The following PDE3B variants were observed in gnomAD, a reference collection of about 807,000 sequenced individuals.
The protein encoded by PDE3B is cGMP-inhibited 3',5'-cyclic phosphodiesterase 3B.
In PDE3B, 66 loss-of-function variants were observed where a neutral mutation model predicts 116.8. The ratio of observed to expected loss-of-function variants is 0.56; its 90% CI spans 0.46 to 0.69. PDE3B has a LOEUF of 0.69. Ranked by LOEUF, PDE3B falls within the 30% of genes least tolerant of loss-of-function variation. The pLI, the probability that PDE3B is intolerant of heterozygous loss-of-function variation, is 0.00. For missense variants in PDE3B, 1,384 were observed against 1,368.1 expected, an observed-to-expected ratio of 1.01 and a Z score of -0.18; for synonymous variants, 595 against 533.6, an observed-to-expected ratio of 1.12 and a Z score of -1.59.
chr11:14,737,296 C>G (rs1856629384), intron 1 of PDE3B, among the ~76,000 whole-genome samples: 1 of 151,748 alleles, frequency 6.6e-6, no homozygotes. Flanking sequence ...CGGGTTCACG[C>G]TGTTCTCCTG....
intron 1 of PDE3B, among the ~76,000 whole-genome samples, chr11:14,668,046 G>C (rs138184810): frequency 1.9e-3 from 294 of 151,690 alleles, no homozygotes; most frequent in African/African-American, 6.8e-3. Flanking sequence ...AAAAAAAAAG[G>C]TTTGAAGCAT....
rs188901585 is a variant in PDE3B, at chr11:14,664,876, C to G, written c.978+19823C>G. Among the ~76,000 whole-genome samples, 223 of 152,196 alleles carry G rather than the reference C, an allele frequency of 1.5e-3. 1 individual carries two copies. The highest frequency in any genetic ancestry group is 1.3e-3 in the Non-Finnish European group (89 of 68,010). On this transcript the variant is annotated intron_variant, in intron 1 of 15. Coordinates refer to ENST00000282096, the MANE Select transcript of PDE3B (RefSeq NM_000922.4). Reference sequence around the variant, plus strand: ...GGTACCATTCCTCCTGAAACTATTCCAATCAATAGAAAAAGAGGGAATCCT... The same window carrying G: ...GGTACCATTCCTCCTGAAACTATTCGAATCAATAGAAAAAGAGGGAATCCT...
intron 1 of PDE3B, among the ~76,000 whole-genome samples, chr11:14,763,758 T>A (rs1471407412): frequency 2.0e-5 from 3 of 152,106 alleles, no homozygotes; most frequent in Non-Finnish European, 4.4e-5. Flanking sequence ...ATTTGATAAA[T>A]AAAAACAAGG....
chr11:14,798,433 A>G (rs1858628847), intron 4 of PDE3B, among the ~76,000 whole-genome samples: 1 of 152,136 alleles, frequency 6.6e-6, no homozygotes, highest in South Asian at 2.1e-4. Context: ...TATCAGGATG[A>G]TGTCGGTGTC....
At chr11:14,757,398 A>G (rs1020382464) in intron 1 of PDE3B, among the ~76,000 whole-genome samples, 18 of 150,496 alleles carry the variant, frequency 1.2e-4, no homozygotes, top group Admixed American at 4.0e-4. Flanking sequence ...ACAATGGTTG[A>G]ACTAGTTTAC....
chr11:14,763,430 A>G (rs1430771743), intron 1 of PDE3B, among the ~76,000 whole-genome samples: 1 of 151,850 alleles, frequency 6.6e-6, no homozygotes, highest in African/African-American at 2.4e-5. Flanking sequence ...AATAAAGACA[A>G]CTCTTTTGAA....
chr11:14,680,331 G>A (rs1487678405), intron 1 of PDE3B, among the ~76,000 whole-genome samples: 2 of 152,202 alleles, frequency 1.3e-5, no homozygotes, highest in Non-Finnish European at 2.9e-5. Flanking sequence ...CTTTGATGCT[G>A]CTGTTCCAAG....
intron 1 of PDE3B, among the ~76,000 whole-genome samples, chr11:14,703,199 C>T (rs144478911): frequency 1.3e-3 from 191 of 151,900 alleles, no homozygotes; most frequent in African/African-American, 4.4e-3. Flanking sequence ...AGTTCCAAGC[C>T]TTTGGAGGAT....
intron 2 of PDE3B, among the ~76,000 whole-genome samples, chr11:14,779,881 A>G (rs1388154534): frequency 6.6e-6 from 1 of 151,562 alleles, no homozygotes; most frequent in Non-Finnish European, 1.5e-5. Context: ...GGCAAATTGG[A>G]TAGAGTAAAG....
intron 11 of PDE3B, among the ~76,000 whole-genome samples, chr11:14,843,094 A>G (rs1847509229): frequency 6.6e-6 from 1 of 152,206 alleles, no homozygotes; most frequent in African/African-American, 2.4e-5. Context: ...CAAAAATAAT[A>G]GAATGATCAT....
At chr11:14,702,529 A>C (rs1488434325) in intron 1 of PDE3B, among the ~76,000 whole-genome samples, 4 of 151,784 alleles carry the variant, frequency 2.6e-5, no homozygotes, top group Non-Finnish European at 1.5e-5. Context: ...AGGTGTATTG[A>C]TTTTGTGGGT....
At chr11:14,813,802 C>T (rs966669446) in intron 5 of PDE3B, among the ~76,000 whole-genome samples, 1 of 151,930 alleles carries the variant, frequency 6.6e-6, no homozygotes, top group African/African-American at 2.4e-5. Flanking sequence ...TGAAACCTGA[C>T]AAGGATATTA....
chr11:14,863,167 T>G (rs1847981485), intron 14 of PDE3B, among the ~76,000 whole-genome samples: 1 of 152,152 alleles, frequency 6.6e-6, no homozygotes, highest in African/African-American at 2.4e-5. Context: ...TTGCTGAGAA[T>G]GATGGTTTCC....
chr11:14,680,234 C>G (rs1295485600), intron 1 of PDE3B, among the ~76,000 whole-genome samples: 3 of 152,176 alleles, frequency 2.0e-5, no homozygotes, highest in African/African-American at 4.8e-5. Flanking sequence ...TTTTATCTCA[C>G]AGTTGCAATA....
rs139864032 is a variant in PDE3B at position 14,867,500 on chromosome 11, A to C, written c.2887-6A>C. ...AAAAATGTACTTTTCTTTTTAAAAT[A>C]TGCAGGGAGATGAAGAAGCAAATCT... On this transcript the variant is annotated splice_region_variant and splice_polypyrimidine_tract_variant and intron_variant, in intron 14 of 15. Coordinates refer to ENST00000282096, the MANE Select transcript of PDE3B (RefSeq NM_000922.4). The C allele has an allele frequency of 1.9e-6, 3 of 1,611,766 alleles. No homozygotes were observed. In the East Asian group the frequency reaches 6.7e-5, roughly 36 times the overall value.
Position 14,841,074 on chromosome 11 carries a change from T to C in PDE3B, c.2321-2753T>C, listed in dbSNP as rs535328490. 1.6e-4 allele frequency among the ~76,000 whole-genome samples: 24 copies of C among 152,196 alleles called. No homozygotes were observed. The South Asian group carries it at 1.7e-3, about 11-fold the overall frequency. On this transcript the variant is annotated intron_variant, in intron 11 of 15. Transcript: ENST00000282096. ...TTTTTGGATGAGATTAACATTTAAATTGATGGACTTTAAGTAAAGCAGATA... is the reference window on the plus strand; with the variant it reads ...TTTTTGGATGAGATTAACATTTAAACTGATGGACTTTAAGTAAAGCAGATA...
At chr11:14,657,711 A>G (rs887105231) in intron 1 of PDE3B, among the ~76,000 whole-genome samples, 12 of 152,348 alleles carry the variant, frequency 7.9e-5, no homozygotes, top group African/African-American at 2.9e-4. Context: ...AGGCTATGAA[A>G]AAGAATCACA....
intron 2 of PDE3B, among the ~76,000 whole-genome samples, chr11:14,777,980 T>A (rs1857841857): frequency 6.6e-6 from 1 of 152,212 alleles, no homozygotes; most frequent in Non-Finnish European, 1.5e-5. Flanking sequence ...TACTGCGCTT[T>A]TCCAACGGTC....
chr11:14,703,770 T>C (rs1270151671), intron 1 of PDE3B, among the ~76,000 whole-genome samples: 2 of 149,252 alleles, frequency 1.3e-5, no homozygotes, highest in African/African-American at 4.9e-5. Flanking sequence ...GCCCGGTTGT[T>C]TGTGTGTGTG....
Sources: allele counts gnomAD v4.1 joint callset (sites outside exome capture counted in the v4.1 genomes callset), GRCh38; gene constraint gnomAD v4.1.1; transcripts MANE v1.5; gene names NCBI Gene and HGNC (gene_info 2026-07-23, HGNC 2026-07-21).